DRC4: variants seen among roughly 807,000 people sequenced by gnomAD.
DRC4 encodes the protein dynein regulatory complex subunit 4.
chr16:90,043,111 G>A, the DRC4 span: 200,181 of 1,440,526 alleles, frequency 0.14, 22,611 homozygotes, highest in East Asian at 0.65. Flanking sequence ...TGATGCTCAC[G>A]CTGCCCCTCC....
At chr16:90,019,874 C>T in the DRC4 span, 1 of 680,898 alleles carries the variant, frequency 1.5e-6, no homozygotes, top group Admixed American at 2.1e-5. The surrounding 1 kb of genome is among the most constrained non-coding windows in gnomAD (Gnocchi z 6.1). Flanking sequence ...CACAGAGCGC[C>T]CTGGATGGCG....
chr16:90,026,681 TC>T, the DRC4 span, among the ~76,000 whole-genome samples: 21,695 of 151,844 alleles, frequency 0.14, 2,544 homozygotes, highest in East Asian at 0.62. Flanking sequence ...TGGAATGGGT[TC>T]CCCCCTCTCT....
At chr16:90,036,488 C>T in the DRC4 span, 3 of 1,613,632 alleles carry the variant, frequency 1.9e-6, no homozygotes, top group South Asian at 2.2e-5. Flanking sequence ...TGGCCAGATC[C>T]ACACGCTGAT....
chr16:90,033,014 G>A, the DRC4 span: 2 of 1,167,546 alleles, frequency 1.7e-6, no homozygotes, highest in Admixed American at 2.3e-5. Flanking sequence ...AACAGCAACT[G>A]GGAATTCATA....
At chr16:90,032,295 G>C in the DRC4 span, among the ~76,000 whole-genome samples, 1 of 151,774 alleles carries the variant, frequency 6.6e-6, no homozygotes, top group African/African-American at 2.4e-5. Context: ...GGACAGGTGA[G>C]GAGGTGTGGT....
At chr16:90,040,603 A>G in the DRC4 span, 3 of 1,268,698 alleles carry the variant, frequency 2.4e-6, no homozygotes, top group Non-Finnish European at 3.3e-6. Flanking sequence ...AGGCACAGAG[A>G]CCCCTCGGTC....
chr16:90,036,346 C>T, the DRC4 span: 1 of 1,558,930 alleles, frequency 6.4e-7, no homozygotes, highest in Non-Finnish European at 8.7e-7. Context: ...ACCACGTCTT[C>T]CTCTGCTAAG....
the DRC4 span, chr16:90,042,794 C>A: frequency 1.9e-6 from 1 of 534,946 alleles, no homozygotes; most frequent in Non-Finnish European, 3.4e-6. Context: ...CCTGGTCAGC[C>A]CCTTCCCCTG....
At chr16:90,036,717 A>C in the DRC4 span, 1 of 807,856 alleles carries the variant, frequency 1.2e-6, no homozygotes, top group Non-Finnish European at 2.1e-6. Context: ...TTGTTTGACA[A>C]TGCCCCTCTC....
chr16:90,031,965 T>TG, the DRC4 span, among the ~76,000 whole-genome samples: 3 of 150,732 alleles, frequency 2.0e-5, no homozygotes, highest in Non-Finnish European at 4.4e-5. Flanking sequence ...GGTGAGCACG[T>TG]GGGGCAGGTA....
the DRC4 span, chr16:90,040,086 G>C: frequency 1.7e-6 from 1 of 600,966 alleles, no homozygotes; most frequent in Non-Finnish European, 3.0e-6. Context: ...GGCTTATGCT[G>C]ATGTGTTCCT....
At chr16:90,031,754 C>T in the DRC4 span, among the ~76,000 whole-genome samples, 2 of 152,204 alleles carry the variant, frequency 1.3e-5, no homozygotes, top group African/African-American at 2.4e-5. Flanking sequence ...CTTAATACCC[C>T]ATGAGCTGGG....
At chr16:90,042,511 G>A in the DRC4 span, 1 of 1,613,734 alleles carries the variant, frequency 6.2e-7, no homozygotes, top group South Asian at 1.1e-5. Context: ...AGGACCTGCA[G>A]TATGAGCTGG....
At chr16:90,033,452 C>G in the DRC4 span, among the ~76,000 whole-genome samples, 2 of 152,124 alleles carry the variant, frequency 1.3e-5, no homozygotes, top group Non-Finnish European at 2.9e-5. Context: ...TGGTTGAGGC[C>G]AATAGTTTGA....
the DRC4 span, among the ~76,000 whole-genome samples, chr16:90,041,799 A>AG: frequency 1.3e-5 from 2 of 152,106 alleles, no homozygotes; most frequent in Non-Finnish European, 2.9e-5. Context: ...ACTCCATCTC[A>AG]GAAAAAAAAG....
chr16:90,040,238 T>C, the DRC4 span: 8 of 1,490,246 alleles, frequency 5.4e-6, no homozygotes, highest in South Asian at 9.7e-5. Flanking sequence ...AGGCAGCATC[T>C]TCCCAGCGAG....
chr16:90,044,360 T>C, the DRC4 span: 2 of 408,234 alleles, frequency 4.9e-6, no homozygotes, highest in Non-Finnish European at 9.9e-6. Flanking sequence ...TTTTGGGAGC[T>C]CAAAGCAAGT....
chr16:90,021,432 G>A, the DRC4 span, among the ~76,000 whole-genome samples: 342 of 148,152 alleles, frequency 2.3e-3, 6 homozygotes, highest in African/African-American at 8.2e-3. Context: ...TTTTTTTTGA[G>A]ACAGGGTCTC....
chr16:90,040,025 C>T, the DRC4 span: 2 of 482,884 alleles, frequency 4.1e-6, no homozygotes, highest in South Asian at 2.2e-5. Context: ...GGGGCTGCTT[C>T]AGCTCTTACC....
Sources: allele counts gnomAD v4.1 joint callset (sites outside exome capture counted in the v4.1 genomes callset), GRCh38; gene constraint gnomAD v4.1.1; non-coding constraint Gnocchi (gnomAD v3.1); transcripts MANE v1.5; gene names NCBI Gene and HGNC (gene_info 2026-07-23, HGNC 2026-07-21).